The following CDH20 variants were observed in gnomAD, a reference collection of about 807,000 sequenced individuals.
CDH20 encodes cadherin-20.
In CDH20, 29 loss-of-function variants were observed where a neutral mutation model predicts 74.2. That is an observed-to-expected ratio of 0.39 (90% confidence interval 0.29 to 0.53). The LOEUF is 0.53. Among genes scored for constraint, CDH20 ranks in the 20% least tolerant of loss-of-function variants. CDH20 has a pLI of 0.69. For synonymous variants in CDH20, 469 were observed against 405.4 expected, an observed-to-expected ratio of 1.16 and a Z score of -1.88; for missense variants, 988 against 1,048.3, an observed-to-expected ratio of 0.94 and a Z score of 0.79.
intron 7 of CDH20, among the ~76,000 whole-genome samples, chr18:61,534,810 C>T (rs1912765401): frequency 6.6e-6 from 1 of 152,100 alleles, no homozygotes. Context: ...TGATCTATTG[C>T]ACAGCATGGT....
intron 1 of CDH20, among the ~76,000 whole-genome samples, chr18:61,481,832 G>A (rs1910600085): frequency 6.6e-6 from 1 of 152,066 alleles, no homozygotes; most frequent in African/African-American, 2.4e-5. Flanking sequence ...TTACAAGTAT[G>A]AACCCACCAT....
rs12956834 is a variant in CDH20, at chr18:61,405,610, T to G, written c.-153+71783T>G. ...TCTAAATAATTAAATAAAATAAATT[T>G]TAAAAAACTATTATAAACAAATTCC... On this transcript the variant is annotated intron_variant, in intron 1 of 11. Transcript: ENST00000262717. Among the ~76,000 whole-genome samples the G allele has an allele frequency of 2.0e-5, 3 of 151,928 alleles. No individual in the cohort carries two copies. The East Asian group carries it at 5.8e-4, about 30-fold the overall frequency.
intron 6 of CDH20, among the ~76,000 whole-genome samples, chr18:61,517,461 A>G (rs502927): frequency 0.99 from 150,427 of 152,280 alleles, 74,327 homozygotes; most frequent in Middle Eastern, 1. Context: ...GTGGGGCGTT[A>G]CCTCACCTGG....
At chr18:61,336,386 C>T (rs972569216) in intron 1 of CDH20, among the ~76,000 whole-genome samples, 3 of 152,198 alleles carry the variant, frequency 2.0e-5, no homozygotes, top group Admixed American at 2.0e-4. Flanking sequence ...CTCTTACCAT[C>T]TCCAAGAGAC....
chr18:61,428,801 T>C (rs1173842912), intron 1 of CDH20, among the ~76,000 whole-genome samples: 1 of 152,164 alleles, frequency 6.6e-6, no homozygotes, highest in Non-Finnish European at 1.5e-5. Context: ...GAGATAAAAT[T>C]ATCCAAATTC....
chr18:61,367,153 TAA>T (rs1801503173), intron 1 of CDH20, among the ~76,000 whole-genome samples: 1 of 152,186 alleles, frequency 6.6e-6, no homozygotes, highest in African/African-American at 2.4e-5. Context: ...GGGAACATCC[TAA>T]AAGAGTTTGC....
At chr18:61,384,396 T>A (rs1050804730) in intron 1 of CDH20, among the ~76,000 whole-genome samples, 1 of 152,144 alleles carries the variant, frequency 6.6e-6, no homozygotes, top group East Asian at 1.9e-4. Flanking sequence ...TTGGAATAAA[T>A]CTTCTGAAGG....
intron 1 of CDH20, among the ~76,000 whole-genome samples, chr18:61,454,254 T>A (rs1378270105): frequency 5.3e-5 from 8 of 152,164 alleles, no homozygotes; most frequent in Non-Finnish European, 8.8e-5. Flanking sequence ...CTCTGTTAGC[T>A]TATGTATCTT....
chr18:61,396,224 T>C (rs555386636), intron 1 of CDH20, among the ~76,000 whole-genome samples: 143 of 152,288 alleles, frequency 9.4e-4, no homozygotes, highest in African/African-American at 3.3e-3. Flanking sequence ...ATTAATAGTA[T>C]TGCCCTTTCC....
At chr18:61,370,517 A>G (rs1568114093) in intron 1 of CDH20, among the ~76,000 whole-genome samples, 1 of 152,112 alleles carries the variant, frequency 6.6e-6, no homozygotes, top group Non-Finnish European at 1.5e-5. Context: ...AATTGTATGT[A>G]TTTAAGGTGT....
chr18:61,503,710 G>T (rs1021387551), intron 5 of CDH20, among the ~76,000 whole-genome samples: 3 of 152,176 alleles, frequency 2.0e-5, no homozygotes, highest in Non-Finnish European at 4.4e-5. Flanking sequence ...AAATCCACTT[G>T]GGAGGACACA....
At chr18:61,422,966 A>G (rs909407875) in intron 1 of CDH20, among the ~76,000 whole-genome samples, 4 of 152,148 alleles carry the variant, frequency 2.6e-5, no homozygotes, top group Non-Finnish European at 2.9e-5. Context: ...AGAGAGCGCA[A>G]TTGTTATTTT....
chr18:61,491,301 T>C (rs1338262075), intron 2 of CDH20, among the ~76,000 whole-genome samples: 2 of 152,204 alleles, frequency 1.3e-5, no homozygotes, highest in African/African-American at 4.8e-5. Context: ...ATAAATATAT[T>C]TATAAATGTT....
Position 61,475,008 on chromosome 18 carries a change from G to A in CDH20, c.-152-15394G>A, listed in dbSNP as rs189052857. Among the ~76,000 whole-genome samples, 72 of 151,772 alleles carry A rather than the reference G, an allele frequency of 4.7e-4. 1 individual carries two copies. The East Asian group carries it at 0.014, about 29-fold the overall frequency. ...GGTAGAGGGGGAGCCAGATTGTGTA[G>A]GTCCTTAAGGTCCTGTCAAGTATAG... is the stretch of plus-strand genomic sequence containing the variant. On this transcript the variant is annotated intron_variant, in intron 1 of 11. Coordinates refer to ENST00000262717, the MANE Select transcript of CDH20 (RefSeq NM_031891.4).
intron 1 of CDH20, among the ~76,000 whole-genome samples, chr18:61,484,147 C>T (rs1484963932): frequency 6.6e-6 from 1 of 152,164 alleles, no homozygotes; most frequent in Admixed American, 6.5e-5. Context: ...GAATGTTAGC[C>T]ACATAATTTC....
chr18:61,476,612 C>T (rs1175238129), intron 1 of CDH20, among the ~76,000 whole-genome samples: 2 of 152,172 alleles, frequency 1.3e-5, no homozygotes, highest in East Asian at 3.8e-4. Flanking sequence ...AATCTCCCTT[C>T]CCTCATTACA....
chr18:61,484,666 G>A (rs1304278260), intron 1 of CDH20, among the ~76,000 whole-genome samples: 1 of 151,710 alleles, frequency 6.6e-6, no homozygotes, highest in South Asian at 2.1e-4. Flanking sequence ...TTATGGGACT[G>A]ACCAAGTTTT....
intron 1 of CDH20, among the ~76,000 whole-genome samples, chr18:61,352,946 A>G (rs1242757531): frequency 1.3e-5 from 2 of 152,194 alleles, no homozygotes; most frequent in African/African-American, 4.8e-5. Context: ...TTGGCCCCTT[A>G]TAGTGCTGCA....
chr18:61,490,324 G>T (rs1380754013), intron 1 of CDH20, 78 bp from the exon 2 acceptor site: 2 of 482,264 alleles, frequency 4.1e-6, no homozygotes, highest in Non-Finnish European at 7.5e-6. Flanking sequence ...AATATTTACT[G>T]ACATTTCTTG....
Sources: allele counts gnomAD v4.1 joint callset (sites outside exome capture counted in the v4.1 genomes callset), GRCh38; gene constraint gnomAD v4.1.1; transcripts MANE v1.5; gene names NCBI Gene and HGNC (gene_info 2026-07-23, HGNC 2026-07-21).